GLI2: variants seen among roughly 807,000 people sequenced by gnomAD.
The protein encoded by GLI2 is GLI family zinc finger 2.
GLI2 carries 22 observed loss-of-function variants against 78.9 expected under a neutral mutation model. That is an observed-to-expected ratio of 0.28 (90% CI 0.20 to 0.40). GLI2 has a LOEUF of 0.40. GLI2 is among the 10% of genes least tolerant of loss of function. The probability of loss-of-function intolerance (pLI) is 1.00; values close to 1 mark genes in which losing one functional copy is unlikely to be tolerated. For missense variants in GLI2, 2,097 were observed against 2,213.2 expected, an observed-to-expected ratio of 0.95 and a Z score of 1.05; for synonymous variants, 974 against 963.7, an observed-to-expected ratio of 1.01 and a Z score of -0.20.
At chr2:120,754,453 G>C (rs547714385) in intron 1 of GLI2, among the ~76,000 whole-genome samples, 7 of 152,008 alleles carry the variant, frequency 4.6e-5, no homozygotes, top group African/African-American at 1.4e-4. Context: ...CCACCCCCTG[G>C]CCTTCCCTGG....
intron 10 of GLI2, 118 bp from the exon 11 acceptor site, chr2:120,982,598 C>T: frequency 7.7e-6 from 6 of 775,468 alleles, no homozygotes; most frequent in Non-Finnish European, 1.3e-5. Context: ...AAAATGCATG[C>T]TTCTGAGTGC....
chr2:120,850,835 G>A lies in GLI2; in HGVS notation c.148+53367G>A, dbSNP rs577540595. 3.3e-5 allele frequency among the ~76,000 whole-genome samples: 5 copies of A among 152,318 alleles called. No individual in the cohort carries two copies. In the South Asian group the frequency reaches 1.0e-3, roughly 32 times the overall value. On this transcript the variant is annotated intron_variant, in intron 2 of 13. Coordinates refer to ENST00000361492, the MANE Select transcript of GLI2 (RefSeq NM_001374353.1). ...GGTGGGGGAGGTCCAAGTGAATTGA[G>A]TTGTCCTCTGTATAAATAACCAATA...
At chr2:120,980,084 T>C (rs963437309) in intron 10 of GLI2, among the ~76,000 whole-genome samples, 4 of 152,260 alleles carry the variant, frequency 2.6e-5, no homozygotes, top group South Asian at 2.1e-4. Flanking sequence ...GAGGCTATTA[T>C]GAATAATGCT....
Position 120,988,309 on chromosome 2 carries a change from C to T in GLI2, c.2344C>T (p.Leu782=). The change falls in exon 14 of 14, where the codon CTG becomes TTG. Residue 782 remains leucine (L), a synonymous_variant. Coordinates refer to ENST00000361492, the MANE Select transcript of GLI2 (RefSeq NM_001374353.1). ...GCTGTCCGCGAGCGAGGTGACCATG[C>T]TGAGCCAGCTGCAGGAGCGCCGCGA... is the stretch of plus-strand genomic sequence containing the variant. The part of the protein sequence containing the change: ...SELSASEVTM[L]SQLQERRDSS... 2 of 1,563,246 alleles carry T rather than the reference C, an allele frequency of 1.3e-6. No individual in the cohort carries two copies. Among genetic ancestry groups the T allele is most frequent in the Non-Finnish European group, 1.7e-6 (2 of 1,160,306 alleles).
At chr2:120,874,950 A>C (rs936916648) in intron 2 of GLI2, among the ~76,000 whole-genome samples, 1 of 152,138 alleles carries the variant, frequency 6.6e-6, no homozygotes, top group Non-Finnish European at 1.5e-5. Context: ...TGTCAAGCAA[A>C]CTAGGTTAGG....
Position 120,989,066 on chromosome 2 carries a change from CCGACCTGGGGCTGCCGGAGGA to C in GLI2, c.3110_3130del (p.Gly1037_Leu1043del). 1 of 1,610,566 alleles carries C rather than the reference CCGACCTGGGGCTGCCGGAGGA, an allele frequency of 6.2e-7. No homozygotes were observed. The highest frequency in any genetic ancestry group is 8.5e-7 in the Non-Finnish European group (1 of 1,179,694). On this transcript the variant is annotated inframe_deletion, in exon 14 of 14. Coordinates refer to ENST00000361492, the MANE Select transcript of GLI2 (RefSeq NM_001374353.1). ...GGAGTGGACGGCGCGGGGCCCGAGG[CCGACCTGGGGCTGCCGGAGGA>C]CGACCTGGTGCTTCCAGACGACGTG...
chr2:120,824,995 C>T (rs1288029736), intron 2 of GLI2, among the ~76,000 whole-genome samples: 1 of 152,156 alleles, frequency 6.6e-6, no homozygotes, highest in African/African-American at 2.4e-5. Flanking sequence ...GCCATCACAC[C>T]TGGCTTATTT....
At chr2:120,744,717 A>G (rs1186658422) in intron 1 of GLI2, among the ~76,000 whole-genome samples, 2 of 152,224 alleles carry the variant, frequency 1.3e-5, no homozygotes, top group Admixed American at 1.3e-4. Flanking sequence ...GTACCCAAGA[A>G]CAAGAAATTA....
At chr2:120,839,668 T>G (rs1212730814) in intron 2 of GLI2, among the ~76,000 whole-genome samples, 1 of 152,178 alleles carries the variant, frequency 6.6e-6, no homozygotes, top group Admixed American at 6.6e-5. Context: ...GTTCAAGAGA[T>G]TCTCCCGCCT....
chr2:120,852,777 C>T (rs1357253819), intron 2 of GLI2, among the ~76,000 whole-genome samples: 5 of 152,204 alleles, frequency 3.3e-5, no homozygotes, highest in African/African-American at 1.2e-4. Flanking sequence ...CTGAGCACCC[C>T]GTATGCCTTG....
At chr2:120,881,275 A>G (rs941936163) in intron 2 of GLI2, among the ~76,000 whole-genome samples, 3 of 152,212 alleles carry the variant, frequency 2.0e-5, no homozygotes, top group African/African-American at 4.8e-5. Context: ...GCTGGGCAGT[A>G]TCTCCTTGTG....
At chr2:120,857,346 C>CACCCACCCACCG (rs1206940671) in intron 2 of GLI2, among the ~76,000 whole-genome samples, 8 of 143,162 alleles carry the variant, frequency 5.6e-5, no homozygotes, top group Non-Finnish European at 1.1e-4. Context: ...CCCATCTGCC[C>CACCCACCCACCG]ACCCACCTAC....
intron 5 of GLI2, among the ~76,000 whole-genome samples, chr2:120,959,284 A>G (rs1037782246): frequency 1.3e-5 from 2 of 152,190 alleles, no homozygotes; most frequent in African/African-American, 2.4e-5. Flanking sequence ...CATGGAGGTA[A>G]CGGGGAAGCA....
intron 1 of GLI2, among the ~76,000 whole-genome samples, chr2:120,747,996 G>A (rs1461675555): frequency 2.0e-5 from 3 of 152,184 alleles, no homozygotes; most frequent in South Asian, 2.1e-4. Flanking sequence ...TTAAGCTCAC[G>A]GCTGTAGGCA....
intron 2 of GLI2, among the ~76,000 whole-genome samples, chr2:120,910,885 T>C (rs1448085518): frequency 1.3e-5 from 2 of 152,256 alleles, no homozygotes; most frequent in Non-Finnish European, 2.9e-5. Flanking sequence ...CATTTCCTTT[T>C]GGAAAGACCA....
intron 1 of GLI2, among the ~76,000 whole-genome samples, chr2:120,775,840 C>A (rs1428557660): frequency 6.6e-6 from 1 of 152,174 alleles, no homozygotes; most frequent in Admixed American, 6.5e-5. Context: ...ATTCCATATG[C>A]CATGTCGTAC....
chr2:120,876,113 G>A (rs1558849760), intron 2 of GLI2, among the ~76,000 whole-genome samples: 2 of 152,166 alleles, frequency 1.3e-5, no homozygotes, highest in Non-Finnish European at 2.9e-5. Context: ...AGGCCTAGGC[G>A]GGCAGATCAC....
chr2:120,919,384 T>C (rs1679258939), intron 2 of GLI2, among the ~76,000 whole-genome samples: 1 of 152,236 alleles, frequency 6.6e-6, no homozygotes. Flanking sequence ...TGGAGTCCAC[T>C]CCTCACGTAA....
chr2:120,901,528 G>C (rs1223906669), intron 2 of GLI2, among the ~76,000 whole-genome samples: 1 of 152,198 alleles, frequency 6.6e-6, no homozygotes, highest in Admixed American at 6.5e-5. Flanking sequence ...CCAGCCCCCA[G>C]CCAGGCCACT....
Sources: gnomAD v4.1 joint callset for allele counts (sites outside exome capture counted in the v4.1 genomes callset) on GRCh38, gnomAD v4.1.1 for gene constraint, MANE v1.5 for transcripts, NCBI Gene and HGNC (gene_info 2026-07-23, HGNC 2026-07-21) for gene names.